Variants in ADGB observed in about 807,000 individuals in gnomAD.
ADGB encodes androglobin, also known as calpain-7-like protein.
A neutral mutation model predicts 210.5 loss-of-function variants in ADGB; 172 were observed. The ratio of observed to expected loss-of-function variants is 0.82; its 90% CI spans 0.72 to 0.93. ADGB has a LOEUF of 0.93. Ranked by LOEUF, ADGB falls within the 40% of genes least tolerant of loss-of-function variation. The pLI is 0.00. For synonymous variants in ADGB, 658 were observed against 662.7 expected (o/e 0.99, Z 0.11); for missense variants, 2,025 against 1,964.8 (o/e 1.03, Z -0.58).
chr6:146,624,740 A>T (rs1199334143), intron 1 of ADGB, among the ~76,000 whole-genome samples: 1 of 151,836 alleles, frequency 6.6e-6, no homozygotes, highest in Non-Finnish European at 1.5e-5. Flanking sequence ...ACCCTATGTT[A>T]CTGTAGTGGC....
intron 29 of ADGB, among the ~76,000 whole-genome samples, chr6:146,774,921 C>T (rs954627322): frequency 2.0e-5 from 3 of 151,944 alleles, no homozygotes; most frequent in East Asian, 1.9e-4. Context: ...TACAGACGTG[C>T]GCCACCATGC....
intron 33 of ADGB, 145 bp downstream of exon 33, chr6:146,788,755 T>A: frequency 1.2e-6 from 1 of 862,358 alleles, no homozygotes; most frequent in African/African-American, 1.7e-5. Flanking sequence ...TTTTACTTAA[T>A]GGAGTTGGGA....
intron 3 of ADGB, among the ~76,000 whole-genome samples, chr6:146,645,883 C>T (rs1299555714): frequency 6.6e-6 from 1 of 151,670 alleles, no homozygotes; most frequent in Non-Finnish European, 1.5e-5. Context: ...ATGAGCCATG[C>T]TTTTAAGTTA....
intron 3 of ADGB, among the ~76,000 whole-genome samples, chr6:146,647,408 C>T (rs1775635280): frequency 6.6e-6 from 1 of 151,800 alleles, no homozygotes; most frequent in Non-Finnish European, 1.5e-5. Flanking sequence ...ATTTAGATAA[C>T]CTAGAAGTCA....
chr6:146,733,323 A>C, intron 21 of ADGB, 68 bp downstream of exon 21: 1 of 1,369,944 alleles, frequency 7.3e-7, no homozygotes, highest in Non-Finnish European at 9.7e-7. Context: ...AATTTAAGAA[A>C]TGTGTTTGTG....
At chr6:146,742,292 T>A (rs992175748) in intron 25 of ADGB, among the ~76,000 whole-genome samples, 16 of 151,996 alleles carry the variant, frequency 1.1e-4, no homozygotes, top group African/African-American at 3.4e-4. Flanking sequence ...CATTTTATTA[T>A]AATTAGAAGT....
chr6:146,641,739 T>C (rs973824164), intron 2 of ADGB, among the ~76,000 whole-genome samples: 11 of 151,988 alleles, frequency 7.2e-5, no homozygotes, highest in Non-Finnish European at 4.4e-5. Context: ...TCTTACACCA[T>C]ACACAAAAAT....
intron 11 of ADGB, among the ~76,000 whole-genome samples, chr6:146,692,204 C>CT (rs34540893): frequency 1.3e-5 from 2 of 151,898 alleles, no homozygotes; most frequent in African/African-American, 2.4e-5. Context: ...GTCCTAGTCT[C>CT]TTTTTTTTCC....
Position 146,802,647 on chromosome 6 carries a change from A to G in ADGB, c.4818+636A>G, listed in dbSNP as rs971015429. ...ATGTGAAGCAGATTGTTGGGATTTC[A>G]TTAGTGGTTTCATTATGTGGCTTTT... On this transcript the variant is annotated intron_variant, in intron 35 of 35. Transcript: ENST00000397944. 5 of 711,932 alleles carry G rather than the reference A, an allele frequency of 7.0e-6. No homozygotes were observed. The East Asian group carries it at 1.4e-4, about 20-fold the overall frequency. The allele number at this position is 711,932 out of a possible 1,614,324, so 44.1% of individuals were successfully genotyped here. A position where few individuals can be genotyped will look rare whatever the true frequency, so the allele number is the denominator to read the frequency against.
intron 13 of ADGB, among the ~76,000 whole-genome samples, chr6:146,709,303 C>T (rs943495188): frequency 3.3e-5 from 5 of 152,060 alleles, no homozygotes; most frequent in South Asian, 2.1e-4. Context: ...CTTGTAACCA[C>T]GAGTTGGTGT....
chr6:146,668,796 A>T (rs1775969904), intron 7 of ADGB, among the ~76,000 whole-genome samples: 1 of 152,102 alleles, frequency 6.6e-6, no homozygotes. Flanking sequence ...GCCTCGGAAA[A>T]TCAAAACAGA....
intron 6 of ADGB, 79 bp downstream of exon 6, chr6:146,664,419 A>C (rs986504033): frequency 7.4e-7 from 1 of 1,359,386 alleles, no homozygotes; most frequent in African/African-American, 1.5e-5. Flanking sequence ...TGCATAATTT[A>C]TTTTTTTAAA....
At chr6:146,806,308 T>A (rs1778211223) in intron 35 of ADGB, among the ~76,000 whole-genome samples, 1 of 152,214 alleles carries the variant, frequency 6.6e-6, no homozygotes, top group South Asian at 2.1e-4. Flanking sequence ...AACATATTTC[T>A]TATCAGATAG....
Position 146,736,528 on chromosome 6 carries a change from C to T in ADGB, c.2825C>T (p.Thr942Ile). ...DTKENISVAD[T>I]LQKVWAVLEM... ...AAAGAAAATATCAGTGTTGCAGATA[C>T]TCTTCAAAAAGTTTGGGCTGTATTG... Residue 942 changes from threonine to isoleucine, a missense_variant, in exon 23 of 36, where the codon ACT (threonine) becomes ATT (isoleucine). Coordinates refer to ENST00000397944, the MANE Select transcript of ADGB (RefSeq NM_024694.4). 2 of 1,547,904 alleles carry T rather than the reference C, an allele frequency of 1.3e-6. No homozygotes were observed. Among genetic ancestry groups the T allele is most frequent in the Non-Finnish European group, 8.7e-7 (1 of 1,144,992 alleles).
At chr6:146,653,259 A>T (rs1357968224) in intron 3 of ADGB, among the ~76,000 whole-genome samples, 1 of 152,104 alleles carries the variant, frequency 6.6e-6, no homozygotes, top group Non-Finnish European at 1.5e-5. Context: ...GGTGAGCTGT[A>T]TAATTATTTC....
In ADGB at chr6:146,691,496, A is replaced by T. The variant is rs1467097453; in HGVS notation, c.1486+206A>T. Among the ~76,000 whole-genome samples, 77 of 16,476 alleles carry T rather than the reference A, an allele frequency of 4.7e-3. 2 individuals are homozygous for T. Among genetic ancestry groups the T allele is most frequent in the African/African-American group, 0.027 (62 of 2,276 alleles). The allele number at this position is 16,476 out of a possible 152,430, so 10.8% of individuals were successfully genotyped here. ...TATATAAATATATATATATATATAT[A>T]TATATTTTTTTTTTTTTTTTTTTTT... On this transcript the variant is annotated intron_variant, in intron 11 of 35. Coordinates refer to ENST00000397944, the MANE Select transcript of ADGB (RefSeq NM_024694.4).
chr6:146,748,583 T>C (rs1188552561), intron 26 of ADGB, among the ~76,000 whole-genome samples: 2 of 152,138 alleles, frequency 1.3e-5, no homozygotes, highest in Non-Finnish European at 2.9e-5. Context: ...TGTGCCTCTG[T>C]TTCCAAATTT....
chr6:146,675,515 G>T (rs1776072696), intron 8 of ADGB, among the ~76,000 whole-genome samples: 1 of 151,690 alleles, frequency 6.6e-6, no homozygotes, highest in Non-Finnish European at 1.5e-5. Flanking sequence ...TGTCTATTTT[G>T]GATGTTCAGA....
chr6:146,613,929 A>G (rs1022636457), intron 1 of ADGB, among the ~76,000 whole-genome samples: 13 of 152,086 alleles, frequency 8.5e-5, no homozygotes, highest in Non-Finnish European at 1.6e-4. Context: ...TTTATTATGT[A>G]TAAAGACAAT....
Sources: gnomAD v4.1 joint callset for allele counts (sites outside exome capture counted in the v4.1 genomes callset) on GRCh38, gnomAD v4.1.1 for gene constraint, MANE v1.5 for transcripts, NCBI Gene and HGNC (gene_info 2026-07-23, HGNC 2026-07-21) for gene names.